ALOX15B: variants seen among roughly 807,000 people sequenced by gnomAD.
ALOX15B encodes the protein polyunsaturated fatty acid lipoxygenase ALOX15B.
In ALOX15B, 74 loss-of-function variants were observed where a neutral mutation model predicts 73.8. That is an observed-to-expected ratio of 1.00 (90% CI 0.83 to 1.22). The LOEUF is 1.22. Among genes scored for constraint, ALOX15B ranks in the 50% most tolerant of loss-of-function variants. The probability of loss-of-function intolerance (pLI) is 0.00; values close to 1 mark genes in which losing one functional copy is unlikely to be tolerated. For synonymous variants in ALOX15B, 353 were observed against 357.2 expected, an observed-to-expected ratio of 0.99 and a Z score of 0.13; for missense variants, 896 against 859.9, an observed-to-expected ratio of 1.04 and a Z score of -0.52.
chr17:8,047,144 GC>G, intron 10 of ALOX15B, 68 bp downstream of exon 10: 3 of 1,608,188 alleles, frequency 1.9e-6, no homozygotes, highest in Admixed American at 1.7e-5. Context: ...GGAGACTGAG[GC>G]CCCAGGGAGG....
In ALOX15B at chr17:8,039,419, G is replaced by T. The variant is rs754748529; in HGVS notation, c.181G>T (p.Val61Leu). Residue 61 changes from valine to leucine, a missense_variant, in exon 2 of 14, where the codon GTA becomes TTA. By Grantham distance (32) the Val-to-Leu change is conservative. Transcript: ENST00000380183. ...CTTCCAGGTGACGCTCCCGGAGGACGTAGGCCGAGTGCTGCTGCTGCGCGT... is the reference window on the plus strand; with the variant it reads ...CTTCCAGGTGACGCTCCCGGAGGACTTAGGCCGAGTGCTGCTGCTGCGCGT... Reference protein sequence around the residue: ...EDFQVTLPEDVGRVLLLRVHK... With the variant: ...EDFQVTLPEDLGRVLLLRVHK... 2 of 1,612,760 alleles carry T rather than the reference G, an allele frequency of 1.2e-6. No homozygotes were observed. The highest frequency in any genetic ancestry group is 8.5e-7 in the Non-Finnish European group (1 of 1,179,624).
intron 3 of ALOX15B, among the ~76,000 whole-genome samples, chr17:8,040,601 G>GAGAGAA (rs1555638441): frequency 9.1e-6 from 1 of 109,462 alleles, no homozygotes; most frequent in African/African-American, 3.7e-5. Flanking sequence ...AAGAAAGAGA[G>GAGAGAA]AGAAAGAAAG....
At chr17:8,046,805 G>C (rs750884325) in intron 9 of ALOX15B, 51 bp downstream of exon 9, 1 of 1,612,028 alleles carries the variant, frequency 6.2e-7, no homozygotes, top group South Asian at 1.1e-5. Context: ...TCAATGTGAC[G>C]AATTTGAGGT....
chr17:8,041,838 G>C (rs1251710709), intron 3 of ALOX15B, among the ~76,000 whole-genome samples: 1 of 152,178 alleles, frequency 6.6e-6, no homozygotes, highest in Non-Finnish European at 1.5e-5. Flanking sequence ...AACCTTCTGC[G>C]CAGCCCCTGT....
chr17:8,039,638 G>A, intron 2 of ALOX15B, 33 bp downstream of exon 2: 1 of 1,084,788 alleles, frequency 9.2e-7, no homozygotes, highest in Non-Finnish European at 1.3e-6. Flanking sequence ...GCTGCAGGGG[G>A]AGCACAGGAA....
rs1032839338 is a variant in ALOX15B at position 8,044,841 on chromosome 17, A to C, written c.689A>C (p.Glu230Ala). ...RRTPAAEHAF[E>A]HWQEDAFFAS... is the part of the protein sequence containing the mutation. ...CCACCCCCTGCAGAGCACGCATTTG[A>C]GCACTGGCAGGAGGACGCCTTCTTC... is the stretch of plus-strand genomic sequence containing the variant. Residue 230 changes from glutamate (E) to alanine (A), a missense_variant, in exon 6 of 14, where the codon GAG becomes GCG. By Grantham distance (107) the Glu-to-Ala change is moderately radical. Transcript: ENST00000380183. 1.3e-6 allele frequency: 2 copies of C among 1,521,606 alleles called. No homozygotes were observed. Among genetic ancestry groups the C allele is most frequent in the Non-Finnish European group, 1.8e-6 (2 of 1,124,962 alleles). 94.3% of individuals were successfully genotyped at this position (1,521,606 alleles called of 1,614,324 possible). A position where few individuals can be genotyped will look rare whatever the true frequency, so the allele number is the denominator to read the frequency against.
At chr17:8,043,617 G>A (rs1236135914) in intron 5 of ALOX15B, among the ~76,000 whole-genome samples, 1 of 152,212 alleles carries the variant, frequency 6.6e-6, no homozygotes, top group East Asian at 1.9e-4. Flanking sequence ...GGGGGCAAGA[G>A]ACTATGAGAA....
chr17:8,040,145 T>C (rs897688708), intron 3 of ALOX15B, among the ~76,000 whole-genome samples, 162 bp downstream of exon 3: 1 of 152,076 alleles, frequency 6.6e-6, no homozygotes, highest in Admixed American at 6.5e-5. Flanking sequence ...AAATGCAAAT[T>C]CTCAGGCCAC....
Position 8,044,936 on chromosome 17 carries a change from CCCGT to C in ALOX15B, c.786_789del (p.Val263LeufsTer19). 5 of 1,614,136 alleles carry C rather than the reference CCCGT, an allele frequency of 3.1e-6. No individual in the cohort carries two copies. Among genetic ancestry groups the C allele is most frequent in the Non-Finnish European group, 4.2e-6 (5 of 1,180,012 alleles). ...CTGTCACTACCTCCCAAAGAACTTC[CCCGT>C]CACTGATGCCATGGTGGCCTCAGTG... On this transcript the variant is annotated frameshift_variant, in exon 6 of 14. Transcript: ENST00000380183. LOFTEE classifies it high-confidence loss of function.
intron 8 of ALOX15B, among the ~76,000 whole-genome samples, chr17:8,046,243 G>T (rs909009000): frequency 5.3e-5 from 8 of 152,338 alleles, no homozygotes; most frequent in Admixed American, 3.9e-4. Context: ...GTGCTCTTCT[G>T]TACTAGCTGG....
At position 8,039,311 on chromosome 17, in the gene ALOX15B, G is replaced by C. The variant is rs767993975; in HGVS notation, c.147+9G>C. On this transcript the variant is annotated intron_variant, in intron 1 of 13. Coordinates refer to ENST00000380183, the MANE Select transcript of ALOX15B (RefSeq NM_001141.3). ...AGTTCACTGCGGGCGCTGTGAGTGC[G>C]TGGGAGTGGATGGGGTGGAGGTGAA... 2.5e-6 allele frequency: 4 copies of C among 1,586,902 alleles called. No individual in the cohort carries two copies. The highest frequency in any genetic ancestry group is 1.3e-5 in the African/African-American group (1 of 74,726).
At chr17:8,042,315 G>A (rs1404984357) in intron 3 of ALOX15B, 54 bp from the exon 4 acceptor site, 2 of 1,600,260 alleles carry the variant, frequency 1.2e-6, no homozygotes, top group African/African-American at 2.7e-5. Flanking sequence ...ATCTGCCCTA[G>A]CAAAGAGTCT....
Position 8,039,197 on chromosome 17 carries a change from C to T in ALOX15B, c.42C>T (p.Phe14=), listed in dbSNP as rs1239625190. The change falls in exon 1 of 14, where the codon TTC becomes TTT. Residue 14 remains phenylalanine, a synonymous_variant. Transcript: ENST00000380183. ...TCAGGGTGTCCACCGGAGAAGCCTT[C>T]GGGGCTGGCACATGGGACAAAGTGT... ...FRVRVSTGEA[F]GAGTWDKVSV... 6.2e-6 allele frequency: 10 copies of T among 1,612,902 alleles called. No homozygotes were observed. Among genetic ancestry groups the T allele is most frequent in the Admixed American group, 1.7e-5 (1 of 59,802 alleles).
intron 5 of ALOX15B, among the ~76,000 whole-genome samples, chr17:8,043,235 G>T (rs1457054481): frequency 1.1e-4 from 16 of 152,140 alleles, no homozygotes; most frequent in Non-Finnish European, 1.5e-5. Context: ...ATCCAGTGAG[G>T]GTGTAAAGGG....
intron 5 of ALOX15B, among the ~76,000 whole-genome samples, chr17:8,043,115 C>T (rs1025577888): frequency 3.4e-4 from 51 of 152,144 alleles, no homozygotes; most frequent in African/African-American, 1.1e-3. Context: ...TATCAGACAC[C>T]GGGTTAGGGG....
At position 8,042,369 on chromosome 17, in the gene ALOX15B, G is replaced by C; in HGVS notation, c.450G>C (p.Gln150His). The change falls in exon 4 of 14, where the codon CAG becomes CAC. Residue 150 changes from glutamine (Q) to histidine (H), a missense_variant and splice_region_variant. Transcript: ENST00000380183. ...EELQARQEMY[Q>H]WKAYNPGWPH... ...ACCACCTTCCCTCTCTACCCTCCAG[G>C]TGGAAGGCTTACAACCCAGGTTGGC... The C allele has an allele frequency of 1.2e-6, 2 of 1,613,860 alleles. No homozygotes were observed. Among genetic ancestry groups the C allele is most frequent in the Non-Finnish European group, 1.7e-6 (2 of 1,179,974 alleles).
chr17:8,041,043 G>A (rs1442101587), intron 3 of ALOX15B, among the ~76,000 whole-genome samples: 1 of 152,220 alleles, frequency 6.6e-6, no homozygotes, highest in Non-Finnish European at 1.5e-5. Context: ...TGGGATCAGA[G>A]CAGCCACAGG....
chr17:8,039,617 G>A lies in ALOX15B; in HGVS notation c.367+12G>A. 1 of 1,099,416 alleles carries A rather than the reference G, an allele frequency of 9.1e-7. No individual in the cohort carries two copies. 68.1% of individuals were successfully genotyped at this position (1,099,416 alleles called of 1,614,324 possible). On this transcript the variant is annotated intron_variant, in intron 2 of 13. Coordinates refer to ENST00000380183, the MANE Select transcript of ALOX15B (RefSeq NM_001141.3). ...GCAGGAGGGTACAGGTGAGGGGCGG[G>A]CCGGGCTGGGGCTGCAGGGGGAGCA...
chr17:8,045,639 A>G lies in ALOX15B; in HGVS notation c.1153A>G (p.Thr385Ala). 1 of 1,613,994 alleles carries G rather than the reference A, an allele frequency of 6.2e-7. No homozygotes were observed. The highest frequency in any genetic ancestry group is 8.5e-7 in the Non-Finnish European group (1 of 1,180,018). The change falls in exon 8 of 14, where the codon ACC becomes GCC. Residue 385 changes from threonine (T) to alanine (A), a missense_variant. Physicochemically the swap from Thr to Ala is moderately conservative, Grantham distance 58. Coordinates refer to ENST00000380183, the MANE Select transcript of ALOX15B (RefSeq NM_001141.3). Reference protein sequence around the residue: ...LHSHLLPEVFTLATLRQLPHC... With the variant: ...LHSHLLPEVFALATLRQLPHC... ...CTCACATCTGCTGCCTGAGGTCTTC[A>G]CCCTGGCTACCCTGCGTCAGCTGCC...
Sources: gnomAD v4.1 joint callset for allele counts (sites outside exome capture counted in the v4.1 genomes callset) on GRCh38, gnomAD v4.1.1 for gene constraint, MANE v1.5 for transcripts, NCBI Gene and HGNC (gene_info 2026-07-23, HGNC 2026-07-21) for gene names.